The following CFAP44 variants were observed in gnomAD, a reference collection of about 807,000 sequenced individuals.
The protein encoded by CFAP44 is cilia- and flagella-associated protein 44.
In CFAP44, 134 loss-of-function variants were observed where a neutral mutation model predicts 216.2. The ratio of observed to expected loss-of-function variants is 0.62; its 90% CI spans 0.54 to 0.72. The LOEUF (loss-of-function observed/expected upper bound fraction) is 0.72. CFAP44 is among the 30% of genes least tolerant of loss of function. The pLI is 0.00. For synonymous variants in CFAP44, 700 were observed against 727.6 expected, an observed-to-expected ratio of 0.96 and a Z score of 0.61; for missense variants, 2,035 against 2,182.1, an observed-to-expected ratio of 0.93 and a Z score of 1.34.
At chr3:113,430,122 T>C (rs1576609237) in intron 2 of CFAP44, among the ~76,000 whole-genome samples, 1 of 152,018 alleles carries the variant, frequency 6.6e-6, no homozygotes, top group East Asian at 1.9e-4. Flanking sequence ...ATAGAATAGA[T>C]ATGTTCTCTG....
chr3:113,369,324 T>A (rs1191356723), intron 18 of CFAP44, among the ~76,000 whole-genome samples: 2 of 152,158 alleles, frequency 1.3e-5, no homozygotes, highest in Non-Finnish European at 2.9e-5. Context: ...ACTGACCACA[T>A]AATTGGAAGT....
In CFAP44 at chr3:113,291,859, G is replaced by A. The variant is rs1191535794; in HGVS notation, c.5374-111C>T. 5.9e-6 allele frequency: 7 copies of A among 1,182,370 alleles called. No homozygotes were observed. In the East Asian group the frequency reaches 1.3e-4, roughly 22 times the overall value. 73.2% of individuals were successfully genotyped at this position (1,182,370 alleles called of 1,614,324 possible). A position where few individuals can be genotyped will look rare whatever the true frequency, so the allele number is the denominator to read the frequency against. On this transcript the variant is annotated intron_variant, in intron 34 of 34. Transcript: ENST00000393845. Reference sequence around the variant, plus strand: ...GCTGGCCTGACAGTCACCCTAAACAGCCACTGTTCCTTAATCTCGGGAGCC... The same window carrying A: ...GCTGGCCTGACAGTCACCCTAAACAACCACTGTTCCTTAATCTCGGGAGCC...
intron 32 of CFAP44, among the ~76,000 whole-genome samples, chr3:113,301,399 C>G (rs1404298192): frequency 6.6e-6 from 1 of 151,904 alleles, no homozygotes; most frequent in Non-Finnish European, 1.5e-5. Context: ...GGAAAAAATG[C>G]ACACAGATAG....
chr3:113,373,984 T>C (rs919303716), intron 17 of CFAP44, among the ~76,000 whole-genome samples: 12 of 152,184 alleles, frequency 7.9e-5, no homozygotes, highest in Non-Finnish European at 2.9e-5. Context: ...GAAAAATTTA[T>C]CCATGTAGTG....
At chr3:113,411,145 T>G (rs925642175) in intron 6 of CFAP44, among the ~76,000 whole-genome samples, 1 of 152,198 alleles carries the variant, frequency 6.6e-6, no homozygotes, top group African/African-American at 2.4e-5. Context: ...AGCTCTTTAG[T>G]TTAATTAGAT....
intron 22 of CFAP44, among the ~76,000 whole-genome samples, chr3:113,353,010 G>A (rs1950459052): frequency 6.6e-6 from 1 of 152,178 alleles, no homozygotes; most frequent in South Asian, 2.1e-4. Flanking sequence ...GGGACGGAAA[G>A]CAGGAGTTAA....
intron 26 of CFAP44, among the ~76,000 whole-genome samples, chr3:113,328,708 AAAAAAAAAAAAAAAAAAAAAC>A (rs1950213275): frequency 1.1e-4 from 13 of 123,728 alleles, no homozygotes; most frequent in Admixed American, 9.5e-4. Context: ...AAAAAAAAAA[AAAAAAAAAAAAAAAAAAAAAC>A]AGAGAGAGAA....
chr3:113,316,360 A>T (rs1082590), intron 28 of CFAP44, among the ~76,000 whole-genome samples: 6 of 152,144 alleles, frequency 3.9e-5, no homozygotes, highest in African/African-American at 1.4e-4. Flanking sequence ...AATAATCTAA[A>T]CTCCCACAAC....
chr3:113,304,051 C>G lies in CFAP44; in HGVS notation c.4942G>C (p.Ala1648Pro), dbSNP rs373838001. The change falls in exon 32 of 35, where the codon GCC (alanine) becomes CCC (proline). Residue 1648 changes from alanine to proline, a missense_variant. By Grantham distance (27) the Ala-to-Pro change is conservative. Coordinates refer to ENST00000393845, the MANE Select transcript of CFAP44 (RefSeq NM_001164496.2). ...ATTCGTTCTTGCAGCCGTCTCAAGG[C>G]ATGGTTAGAGAAGACCAAAGTACCA... ...LSGTLVFSNH[A>P]LRRLQERIHE... 1.2e-5 allele frequency: 18 copies of G among 1,537,326 alleles called. No individual in the cohort carries two copies. In the African/African-American group the frequency reaches 1.5e-4, roughly 13 times the overall value.
Position 113,304,041 on chromosome 3 carries a change from C to T in CFAP44, c.4952G>A (p.Arg1651Gln), listed in dbSNP as rs201245249. The T allele has an allele frequency of 2.7e-5, 41 of 1,537,104 alleles. No individual in the cohort carries two copies. Among genetic ancestry groups the T allele is most frequent in the East Asian group, 2.4e-4 (10 of 40,920 alleles). ...TLVFSNHALR[R>Q]LQERIHELQE... ...GAGCTCATGGATTCGTTCTTGCAGC[C>T]GTCTCAAGGCATGGTTAGAGAAGAC... is the stretch of plus-strand genomic sequence containing the variant. Residue 1651 changes from arginine (R) to glutamine (Q), a missense_variant, in exon 32 of 35, where the codon CGG (arginine) becomes CAG (glutamine). Transcript: ENST00000393845.
chr3:113,338,538 C>T (rs1310883819), intron 24 of CFAP44, among the ~76,000 whole-genome samples: 1 of 151,056 alleles, frequency 6.6e-6, no homozygotes, highest in Non-Finnish European at 1.5e-5. Flanking sequence ...CGTGAAACTA[C>T]CTCATACCAG....
At chr3:113,355,102 C>G (rs1462492950) in intron 22 of CFAP44, among the ~76,000 whole-genome samples, 1 of 152,122 alleles carries the variant, frequency 6.6e-6, no homozygotes, top group African/African-American at 2.4e-5. Flanking sequence ...GGATTAAAGA[C>G]TACACATTGG....
At chr3:113,321,220 C>A (rs989344667) in intron 28 of CFAP44, among the ~76,000 whole-genome samples, 4 of 152,132 alleles carry the variant, frequency 2.6e-5, no homozygotes, top group African/African-American at 9.7e-5. Context: ...GTTCAACATA[C>A]GTAAATCAGT....
In CFAP44 at chr3:113,381,453, G is replaced by A. The variant is rs114972285; in HGVS notation, c.1891-393C>T. 8.9e-3 allele frequency among the ~76,000 whole-genome samples: 1,362 copies of A among 152,296 alleles called. 17 individuals carry two copies. The highest frequency in any genetic ancestry group is 0.03 in the African/African-American group (1,266 of 41,550). ...AGGAAACTCTGCGTGTGTGGATGGC[G>A]TAGTCAGTCCCATCCTACTTTAATG... is the stretch of plus-strand genomic sequence containing the variant. On this transcript the variant is annotated intron_variant, in intron 15 of 34. Transcript: ENST00000393845.
chr3:113,348,043 A>G lies in CFAP44; in HGVS notation c.3066-3331T>C, dbSNP rs116447061. ...CTCCTTGTGGTCTAAGAGGAAAACT[A>G]GTGTTTTTGCTGCTGCATTGGTGAG... On this transcript the variant is annotated intron_variant, in intron 22 of 34. Coordinates refer to ENST00000393845, the MANE Select transcript of CFAP44 (RefSeq NM_001164496.2). Among the ~76,000 whole-genome samples, 1,355 of 152,246 alleles carry G rather than the reference A, an allele frequency of 8.9e-3. 17 individuals carry two copies. The highest frequency in any genetic ancestry group is 0.03 in the African/African-American group (1,264 of 41,532).
intron 21 of CFAP44, among the ~76,000 whole-genome samples, chr3:113,359,606 G>A (rs1017234299): frequency 5.3e-5 from 8 of 151,994 alleles, no homozygotes; most frequent in African/African-American, 1.9e-4. Context: ...ATTTTGACCT[G>A]GTTTTTTTAA....
chr3:113,379,017 A>G (rs1227209136), intron 17 of CFAP44, among the ~76,000 whole-genome samples: 1 of 152,190 alleles, frequency 6.6e-6, no homozygotes, highest in African/African-American at 2.4e-5. Flanking sequence ...TGCCTGGAAC[A>G]TGTATGATTG....
Position 113,306,220 on chromosome 3 carries a change from T to C in CFAP44, c.4739A>G (p.Tyr1580Cys). ...KKIVDNLKKE[Y>C]DTLSKKVKIV... ...CCATACTTTTTTTGACAATGTATCATATTCCTTTTTGAGGTTATCAACAAT... is the reference window on the plus strand; with the variant it reads ...CCATACTTTTTTTGACAATGTATCACATTCCTTTTTGAGGTTATCAACAAT... Residue 1580 changes from tyrosine to cysteine, a missense_variant, in exon 30 of 35, where the codon TAT becomes TGT. Tyr to Cys is a radical substitution (Grantham distance 194). Coordinates refer to ENST00000393845, the MANE Select transcript of CFAP44 (RefSeq NM_001164496.2). 6.5e-7 allele frequency: 1 copy of C among 1,536,820 alleles called. No individual in the cohort carries two copies. The highest frequency in any genetic ancestry group is 1.7e-4 in the Middle Eastern group (1 of 5,986).
chr3:113,393,313 A>G (rs191765468), intron 15 of CFAP44, among the ~76,000 whole-genome samples: 149 of 152,288 alleles, frequency 9.8e-4, no homozygotes, highest in African/African-American at 3.4e-3. Context: ...TTGGTCTTGT[A>G]CGTTACAGGA....
Sources: gnomAD v4.1 joint callset for allele counts (sites outside exome capture counted in the v4.1 genomes callset) on GRCh38, gnomAD v4.1.1 for gene constraint, MANE v1.5 for transcripts, NCBI Gene and HGNC (gene_info 2026-07-23, HGNC 2026-07-21) for gene names.